The following TRIM33 variants were observed in gnomAD, a reference collection of about 807,000 sequenced individuals.
The protein encoded by TRIM33 is E3 ubiquitin-protein ligase TRIM33.
Under a neutral mutation model 125.4 loss-of-function variants are expected in TRIM33, and 20 were observed. The observed-to-expected ratio is 0.16, with a 90% CI of 0.11 to 0.23. The LOEUF (loss-of-function observed/expected upper bound fraction) is 0.23. TRIM33 is among the 10% of genes least tolerant of loss of function. The probability of loss-of-function intolerance (pLI) is 1.00; values close to 1 mark genes in which losing one functional copy is unlikely to be tolerated. For synonymous variants in TRIM33, 564 were observed against 513.9 expected (o/e 1.10, Z -1.32); for missense variants, 920 against 1,411.4 (o/e 0.65, Z 5.58).
intron 4 of TRIM33, among the ~76,000 whole-genome samples, chr1:114,449,990 C>CT (rs1649216279): frequency 6.6e-6 from 1 of 152,138 alleles, no homozygotes; most frequent in Non-Finnish European, 1.5e-5. Flanking sequence ...ATCACATTCT[C>CT]TAATGGCTTT....
At chr1:114,497,360 A>G (rs1389083986) in intron 1 of TRIM33, among the ~76,000 whole-genome samples, 2 of 152,160 alleles carry the variant, frequency 1.3e-5, no homozygotes, top group Non-Finnish European at 2.9e-5. Context: ...GCAACAGCGC[A>G]ATCTCGGCTC....
intron 16 of TRIM33, 124 bp from the exon 17 acceptor site, chr1:114,401,587 C>CTAGATA (rs752882522): frequency 1.8e-5 from 12 of 660,336 alleles, no homozygotes; most frequent in Non-Finnish European, 2.3e-5. Flanking sequence ...CCCCTGTTTA[C>CTAGATA]TAGATACTCA....
chr1:114,510,036 T>C (rs982155753), intron 1 of TRIM33, among the ~76,000 whole-genome samples: 16 of 152,166 alleles, frequency 1.1e-4, no homozygotes, highest in African/African-American at 4.8e-5. Context: ...GCGCCTTCTC[T>C]GGACCCCTTG....
At chr1:114,508,574 C>T (rs1161207412) in intron 1 of TRIM33, among the ~76,000 whole-genome samples, 1 of 149,476 alleles carries the variant, frequency 6.7e-6, no homozygotes, top group Non-Finnish European at 1.5e-5. Flanking sequence ...CCCAAAACAT[C>T]CCAATCTGAA....
At chr1:114,401,594 C>G (rs577597069) in intron 16 of TRIM33, 131 bp from the exon 17 acceptor site, 1 of 587,296 alleles carries the variant, frequency 1.7e-6, no homozygotes, top group African/African-American at 1.9e-5. Flanking sequence ...TTACTAGATA[C>G]TCAACTAAAC....
At chr1:114,451,530 G>A (rs2101309013) in intron 4 of TRIM33, among the ~76,000 whole-genome samples, 1 of 152,090 alleles carries the variant, frequency 6.6e-6, no homozygotes, top group East Asian at 1.9e-4. Context: ...ACCTAGTAAT[G>A]TTCTCAGGTA....
chr1:114,487,442 G>GA (rs1330373397), intron 1 of TRIM33, among the ~76,000 whole-genome samples: 1 of 150,820 alleles, frequency 6.6e-6, no homozygotes, highest in African/African-American at 2.4e-5. Context: ...CTTCAGGAAT[G>GA]AAGGACAACT....
intron 14 of TRIM33, 61 bp from the exon 15 acceptor site, chr1:114,405,820 T>A (rs771252283): frequency 7.2e-7 from 1 of 1,393,082 alleles, no homozygotes; most frequent in Non-Finnish European, 9.9e-7. Flanking sequence ...ATGCCATATG[T>A]GTATTTAACA....
rs141120841 is a variant in TRIM33 at position 114,413,451 on chromosome 1, G to A, written c.2062-3135C>T. ...TGCATGCCTGTAATCCCAGCTACTCGAGAGGTTGAGACAGGAGAATCATTT... is the reference window on the plus strand; with the variant it reads ...TGCATGCCTGTAATCCCAGCTACTCAAGAGGTTGAGACAGGAGAATCATTT... On this transcript the variant is annotated intron_variant, in intron 11 of 19. Coordinates refer to ENST00000358465, the MANE Select transcript of TRIM33 (RefSeq NM_015906.4). Among the ~76,000 whole-genome samples the A allele has an allele frequency of 9.9e-3, 1,489 of 150,980 alleles. 22 individuals are homozygous for A. The highest frequency in any genetic ancestry group is 0.026 in the African/African-American group (1,066 of 41,072).
chr1:114,418,339 A>G (rs1264321423), intron 11 of TRIM33, among the ~76,000 whole-genome samples: 1 of 152,260 alleles, frequency 6.6e-6, no homozygotes, highest in Non-Finnish European at 1.5e-5. Context: ...GTGAGGACAC[A>G]GAGCCAAACT....
chr1:114,405,714 G>T lies in TRIM33; in HGVS notation c.2464C>A (p.Leu822Met). ...SSLTPPLSTNLHLESELDALA... is the reference protein window; with the variant it reads ...SSLTPPLSTNMHLESELDALA... ...GCATCCAATTCACTTTCTAGATGCA[G>T]GTTGGTTGAGAGAGGTGGTGTCAAG... Residue 822 changes from leucine to methionine, a missense_variant, in exon 15 of 20, where the codon CTG becomes ATG. By Grantham distance (15) the Leu-to-Met change is conservative. Around this residue, in one of 8 missense-constraint regions of TRIM33, gnomAD observed 407 missense variants for 589.7 expected, o/e 0.69. Transcript: ENST00000358465. 1 of 1,614,166 alleles carries T rather than the reference G, an allele frequency of 6.2e-7. No homozygotes were observed. The highest frequency in any genetic ancestry group is 2.2e-5 in the East Asian group (1 of 44,892).
At chr1:114,493,876 G>A (rs534516584) in intron 1 of TRIM33, among the ~76,000 whole-genome samples, 1 of 152,158 alleles carries the variant, frequency 6.6e-6, no homozygotes, top group Non-Finnish European at 1.5e-5. Context: ...TGCCAGGCTG[G>A]AGTGCAGTGG....
chr1:114,510,806 C>T lies in TRIM33; in HGVS notation c.271G>A (p.Gly91Arg), dbSNP rs1366501845. 3 of 1,519,196 alleles carry T rather than the reference C, an allele frequency of 2.0e-6. No homozygotes were observed. Among genetic ancestry groups the T allele is most frequent in the Middle Eastern group, 2.2e-4 (1 of 4,494 alleles). 94.1% of individuals were successfully genotyped at this position (1,519,196 alleles called of 1,614,324 possible). A position where few individuals can be genotyped will look rare whatever the true frequency, so the allele number is the denominator to read the frequency against. Residue 91 changes from glycine (G) to arginine (R), a missense_variant, in exon 1 of 20, where the codon GGG becomes AGG. Physicochemically the swap from Gly to Arg is moderately radical, Grantham distance 125. This residue lies in a region of TRIM33 where 233 missense variants were observed against 189.6 expected (regional missense o/e 1.23). Transcript: ENST00000358465. ...PAASVGTGVA[G>R]GAVSTPAPAP... ...GGAGCCGGCGTCGATACTGCGCCCCCGGCAACTCCAGTGCCCACTGAGGCC... is the reference window on the plus strand; with the variant it reads ...GGAGCCGGCGTCGATACTGCGCCCCTGGCAACTCCAGTGCCCACTGAGGCC...
At chr1:114,452,766 G>C (rs1026055473) in intron 4 of TRIM33, among the ~76,000 whole-genome samples, 2 of 150,254 alleles carry the variant, frequency 1.3e-5, no homozygotes, top group Non-Finnish European at 3.0e-5. Flanking sequence ...GCCAGGGATG[G>C]TAGTATACAC....
chr1:114,492,606 T>G (rs1652137782), intron 1 of TRIM33, among the ~76,000 whole-genome samples: 1 of 152,190 alleles, frequency 6.6e-6, no homozygotes, highest in South Asian at 2.1e-4. Flanking sequence ...AAGCCCTTGG[T>G]AACCTCTAGT....
chr1:114,476,736 C>A (rs1650998283), intron 1 of TRIM33, among the ~76,000 whole-genome samples: 1 of 152,062 alleles, frequency 6.6e-6, no homozygotes. Flanking sequence ...ATATTAAAAT[C>A]TAGCATAAAT....
At chr1:114,485,345 G>C (rs1651615116) in intron 1 of TRIM33, among the ~76,000 whole-genome samples, 2 of 151,822 alleles carry the variant, frequency 1.3e-5, no homozygotes. Context: ...GTAGGGAATA[G>C]CAGGAAGCTG....
At position 114,401,448 on chromosome 1, in the gene TRIM33, G is replaced by A; in HGVS notation, c.2908C>T (p.Leu970=). 1 of 1,612,404 alleles carries A rather than the reference G, an allele frequency of 6.2e-7. No homozygotes were observed. ...PVDQRKCERL[L]LYLYCHELSI... ...AATTCATGGCAATAGAGGTAAAGCAGAAGACGTTCACATTTCTGGCCCAAA... is the reference window on the plus strand; with the variant it reads ...AATTCATGGCAATAGAGGTAAAGCAAAAGACGTTCACATTTCTGGCCCAAA... Residue 970 remains leucine, a synonymous_variant, in exon 17 of 20, where the codon CTG becomes TTG. Coordinates refer to ENST00000358465, the MANE Select transcript of TRIM33 (RefSeq NM_015906.4).
At chr1:114,431,578 G>A (rs1259885087) in intron 5 of TRIM33, among the ~76,000 whole-genome samples, 1 of 152,186 alleles carries the variant, frequency 6.6e-6, no homozygotes, top group African/African-American at 2.4e-5. Context: ...AAAACAGGAA[G>A]TGGATAATCC....
Sources: allele counts gnomAD v4.1 joint callset (sites outside exome capture counted in the v4.1 genomes callset), GRCh38; gene constraint gnomAD v4.1.1; regional missense constraint gnomAD v4.1.1; transcripts MANE v1.5; gene names NCBI Gene and HGNC (gene_info 2026-07-23, HGNC 2026-07-21).